Variants in CEACAM8 observed in about 807,000 individuals in gnomAD.
CEACAM8 encodes the protein CEA cell adhesion molecule 8, also known as cell adhesion molecule CEACAM8.
Under a neutral mutation model 33.4 loss-of-function variants are expected in CEACAM8, and 31 were observed. That is an observed-to-expected ratio of 0.93 (90% CI 0.70 to 1.25). The LOEUF is 1.25. Ranked by LOEUF, CEACAM8 falls within the 50% of genes most tolerant of loss-of-function variation. The probability of loss-of-function intolerance (pLI) is 0.00; values close to 1 mark genes in which losing one functional copy is unlikely to be tolerated. For synonymous variants in CEACAM8, 138 were observed against 164.5 expected, an observed-to-expected ratio of 0.84 and a Z score of 1.23; for missense variants, 388 against 434.6, an observed-to-expected ratio of 0.89 and a Z score of 0.95.
intron 5 of CEACAM8, among the ~76,000 whole-genome samples, 178 bp from the exon 6 acceptor site, chr19:42,581,531 C>A (rs1026351638): frequency 6.6e-5 from 10 of 152,090 alleles, no homozygotes; most frequent in Admixed American, 1.3e-4. Context: ...GGTAACATAA[C>A]CGTAAATATA....
chr19:42,588,167 G>C (rs550193270), intron 4 of CEACAM8, among the ~76,000 whole-genome samples: 2 of 152,150 alleles, frequency 1.3e-5, no homozygotes, highest in East Asian at 1.9e-4. Context: ...CAGCCTGACT[G>C]GGGGGAGGCT....
intron 4 of CEACAM8, among the ~76,000 whole-genome samples, chr19:42,583,980 C>A (rs905110093): frequency 3.2e-4 from 49 of 152,322 alleles, no homozygotes; most frequent in African/African-American, 1.2e-3. Context: ...AGGCTCCTCT[C>A]ACACCTGCCC....
At chr19:42,586,424 A>G (rs1402675754) in intron 4 of CEACAM8, among the ~76,000 whole-genome samples, 1 of 152,246 alleles carries the variant, frequency 6.6e-6, no homozygotes, top group Non-Finnish European at 1.5e-5. Flanking sequence ...AAGCCCAGAA[A>G]GGAATGCTTG....
rs2042253995 is a variant in CEACAM8, at chr19:42,581,247, T to C, written c.*147A>G. Reference sequence around the variant, plus strand: ...GCGTGATCTTAAAGTTATCAGGAACTTGTGTTCAAGAGTACTCGTCAGAGT... The same window carrying C: ...GCGTGATCTTAAAGTTATCAGGAACCTGTGTTCAAGAGTACTCGTCAGAGT... On this transcript the variant is annotated 3_prime_UTR_variant, in exon 6 of 6. Transcript: ENST00000244336. The C allele has an allele frequency of 6.6e-6, 1 of 152,206 alleles. No individual in the cohort carries two copies. 9.4% of individuals were successfully genotyped at this position (152,206 alleles called of 1,614,324 possible).
At chr19:42,589,106 G>C (rs2042387182) in intron 3 of CEACAM8, 68 bp from the exon 4 acceptor site, 1 of 1,540,422 alleles carries the variant, frequency 6.5e-7, no homozygotes, top group African/African-American at 1.4e-5. Context: ...GTCTGTGGAA[G>C]AGCCACAGTG....
In CEACAM8 at chr19:42,594,845, G is replaced by C; in HGVS notation, c.-17C>G. On this transcript the variant is annotated 5_prime_UTR_variant, in exon 1 of 6. Coordinates refer to ENST00000244336, the MANE Select transcript of CEACAM8 (RefSeq NM_001816.4). ...GGGCCCCATGGTCTCTGCTGCCTGC[G>C]TGTTCTCCTCTGTGGAGATGAGCCT... is the stretch of plus-strand genomic sequence containing the variant. 6.2e-7 allele frequency: 1 copy of C among 1,605,694 alleles called. No homozygotes were observed. The highest frequency in any genetic ancestry group is 8.5e-7 in the Non-Finnish European group (1 of 1,174,890).
At chr19:42,586,878 T>C (rs886347359) in intron 4 of CEACAM8, among the ~76,000 whole-genome samples, 1 of 151,942 alleles carries the variant, frequency 6.6e-6, no homozygotes, top group Non-Finnish European at 1.5e-5. Context: ...CTACTACAAA[T>C]CCACAACAGC....
Position 42,589,625 on chromosome 19 carries a change from A to G in CEACAM8, c.535T>C (p.Trp179Arg). 1 of 1,614,130 alleles carries G rather than the reference A, an allele frequency of 6.2e-7. No individual in the cohort carries two copies. Among genetic ancestry groups the G allele is most frequent in the Non-Finnish European group, 8.5e-7 (1 of 1,180,026 alleles). The change falls in exon 3 of 6, where the codon TGG becomes CGG. Residue 179 changes from tryptophan to arginine, a missense_variant. Coordinates refer to ENST00000244336, the MANE Select transcript of CEACAM8 (RefSeq NM_001816.4). Reference sequence around the variant, plus strand: ...ACCGGGAGACTCTGACCATTTACCCACCACAGGTAGGTTGTGTTCTGAGTC... The same window carrying G: ...ACCGGGAGACTCTGACCATTTACCCGCCACAGGTAGGTTGTGTTCTGAGTC... ...PETQNTTYLWWVNGQSLPVSP... is the reference protein window; with the variant it reads ...PETQNTTYLWRVNGQSLPVSP...
intron 2 of CEACAM8, among the ~76,000 whole-genome samples, chr19:42,593,111 G>T (rs2042475685): frequency 6.6e-6 from 1 of 152,208 alleles, no homozygotes; most frequent in East Asian, 1.9e-4. Context: ...AGGTTTCCCA[G>T]GGTTACCTGG....
At chr19:42,585,084 C>A (rs1464440324) in intron 4 of CEACAM8, among the ~76,000 whole-genome samples, 2 of 152,012 alleles carry the variant, frequency 1.3e-5, no homozygotes, top group Non-Finnish European at 2.9e-5. Context: ...TGCTTGAGGC[C>A]TGGAGTTTGA....
Position 42,589,854 on chromosome 19 carries a change from C to T in CEACAM8, c.425-119G>A, listed in dbSNP as rs543545308. The T allele has an allele frequency of 1.9e-4, 293 of 1,558,188 alleles. 1 individual carries two copies. The highest frequency in any genetic ancestry group is 2.3e-4 in the Non-Finnish European group (260 of 1,149,498). On this transcript the variant is annotated intron_variant, in intron 2 of 5. Transcript: ENST00000244336. Reference sequence around the variant, plus strand: ...GCCTACTCGAGTCCTTAAAAGCCCACGGTGGGTGTGTGTGTCACAAGACAG... The same window carrying T: ...GCCTACTCGAGTCCTTAAAAGCCCATGGTGGGTGTGTGTGTCACAAGACAG...
At chr19:42,583,413 T>C in intron 4 of CEACAM8, 76 bp from the exon 5 acceptor site, 1 of 882,474 alleles carries the variant, frequency 1.1e-6, no homozygotes, top group South Asian at 1.4e-5. Flanking sequence ...AACCAGCTCC[T>C]AGCATGAAGT....
intron 3 of CEACAM8, 31 bp downstream of exon 3, chr19:42,589,426 C>T (rs746810820): frequency 8.7e-6 from 14 of 1,613,356 alleles, no homozygotes; most frequent in African/African-American, 1.3e-5. Flanking sequence ...GGGCTGGTGG[C>T]CTGGGCCACA....
intron 2 of CEACAM8, 152 bp downstream of exon 2, chr19:42,593,389 T>A: frequency 1.1e-6 from 1 of 949,018 alleles, no homozygotes; most frequent in Non-Finnish European, 1.5e-6. Context: ...TGTGGAAGTC[T>A]GTCTCCCCTG....
chr19:42,585,363 A>G, intron 4 of CEACAM8, among the ~76,000 whole-genome samples: 1 of 151,956 alleles, frequency 6.6e-6, no homozygotes, highest in South Asian at 2.1e-4. Context: ...AGAAAAGAAA[A>G]TGGAGATATT....
rs2042245850 is a variant in CEACAM8, at chr19:42,580,376, G to A, written c.*1018C>T. On this transcript the variant is annotated 3_prime_UTR_variant, in exon 6 of 6. Coordinates refer to ENST00000244336, the MANE Select transcript of CEACAM8 (RefSeq NM_001816.4). ...ATAGTACATTTGAACAAAGAGTTGT[G>A]TTAAAGATGCTGTTACTGTCAGCCA... is the stretch of plus-strand genomic sequence containing the variant. The A allele has an allele frequency of 6.6e-6, 1 of 152,208 alleles. No individual in the cohort carries two copies. The allele number at this position is 152,208 out of a possible 1,614,324, so 9.4% of individuals were successfully genotyped here. A position where few individuals can be genotyped will look rare whatever the true frequency, so the allele number is the denominator to read the frequency against.
chr19:42,583,162 G>A (rs528297526), intron 5 of CEACAM8, 44 bp downstream of exon 5: 53 of 838,736 alleles, frequency 6.3e-5, no homozygotes, highest in African/African-American at 4.5e-4. Context: ...CAAGCATGGC[G>A]GTCAGCCCTG....
In CEACAM8 at chr19:42,593,651, G is replaced by C; in HGVS notation, c.314C>G (p.Ala105Gly). Reference protein sequence around the residue: ...YSNRETIYPNASLLMRNVTRN... With the variant: ...YSNRETIYPNGSLLMRNVTRN... Reference sequence around the variant, plus strand: ...GGTGACGTTCCGCATCAGCAGGGATGCATTGGGGTATATTGTCTCTCGATT... The same window carrying C: ...GGTGACGTTCCGCATCAGCAGGGATCCATTGGGGTATATTGTCTCTCGATT... Residue 105 changes from alanine to glycine, a missense_variant, in exon 2 of 6, where the codon GCA becomes GGA. Coordinates refer to ENST00000244336, the MANE Select transcript of CEACAM8 (RefSeq NM_001816.4). 6.2e-7 allele frequency: 1 copy of C among 1,614,090 alleles called. No individual in the cohort carries two copies.
rs540266005 is a variant in CEACAM8, at chr19:42,592,193, G to A, written c.424+1348C>T. Among the ~76,000 whole-genome samples, 6 of 152,306 alleles carry A rather than the reference G, an allele frequency of 3.9e-5. No individual in the cohort carries two copies. The East Asian group carries it at 1.2e-3, about 29-fold the overall frequency. On this transcript the variant is annotated intron_variant, in intron 2 of 5. Coordinates refer to ENST00000244336, the MANE Select transcript of CEACAM8 (RefSeq NM_001816.4). ...GCCTTCTTGTGGAAGAGAGGACGGGGCTGTGGCTGGAGAGAGACCTCATGT... is the reference window on the plus strand; with the variant it reads ...GCCTTCTTGTGGAAGAGAGGACGGGACTGTGGCTGGAGAGAGACCTCATGT...
Sources: gnomAD v4.1 joint callset for allele counts (sites outside exome capture counted in the v4.1 genomes callset) on GRCh38, gnomAD v4.1.1 for gene constraint, MANE v1.5 for transcripts, NCBI Gene and HGNC (gene_info 2026-07-23, HGNC 2026-07-21) for gene names.